The following LAMA2 variants were observed in gnomAD, a reference collection of about 807,000 sequenced individuals.
LAMA2 encodes the protein laminin subunit alpha 2, also known as laminin subunit alpha-2.
A neutral mutation model predicts 364.8 loss-of-function variants in LAMA2; 269 were observed. The ratio of observed to expected loss-of-function variants is 0.74; its 90% CI spans 0.67 to 0.82. LAMA2 has a LOEUF of 0.82. Among genes scored for constraint, LAMA2 ranks in the 40% least tolerant of loss-of-function variants. LAMA2 has a pLI of 0.00. For missense variants in LAMA2, 3,807 were observed against 3,873.2 expected, an observed-to-expected ratio of 0.98 and a Z score of 0.45; for synonymous variants, 1,379 against 1,370.6, an observed-to-expected ratio of 1.01 and a Z score of -0.14.
At chr6:129,446,505 AAGGGGAGGAGAGGGGAGGGGAGGGG>A (rs1583770703) in intron 45 of LAMA2, among the ~76,000 whole-genome samples, 5 of 88,598 alleles carry the variant, frequency 5.6e-5, no homozygotes, top group East Asian at 8.6e-4. Flanking sequence ...GAAGTAAGGG[AAGGGGAGGAGAGGGGAGGGGAGGGG>A]AGGGGAGGCG....
intron 2 of LAMA2, among the ~76,000 whole-genome samples, chr6:129,052,032 AAGG>A (rs1788087338): frequency 6.6e-6 from 1 of 151,288 alleles, no homozygotes; most frequent in African/African-American, 2.4e-5. Flanking sequence ...GAGAGAGAGA[AAGG>A]AGGTAATAAC....
At chr6:129,232,732 T>C (rs1402684761) in intron 12 of LAMA2, among the ~76,000 whole-genome samples, 1 of 152,102 alleles carries the variant, frequency 6.6e-6, no homozygotes. Context: ...AAAGGGACTT[T>C]GCAAATGTGA....
At position 129,313,087 on chromosome 6, in the gene LAMA2, G is replaced by A; in HGVS notation, c.3401G>A (p.Cys1134Tyr). 1 of 1,598,834 alleles carries A rather than the reference G, an allele frequency of 6.3e-7. No homozygotes were observed. The highest frequency in any genetic ancestry group is 8.6e-7 in the Non-Finnish European group (1 of 1,167,246). The change falls in exon 23 of 65, where the codon TGC (cysteine) becomes TAC (tyrosine). Residue 1134 changes from cysteine to tyrosine, a missense_variant. Physicochemically the swap from Cys to Tyr is radical, Grantham distance 194. Coordinates refer to ENST00000421865, the MANE Select transcript of LAMA2 (RefSeq NM_000426.4). Reference sequence around the variant, plus strand: ...TCCTGTAGTGATCAAACTGGGCAGTGCACTTGTAAGGTATGTGCTGCTGAC... The same window carrying A: ...TCCTGTAGTGATCAAACTGGGCAGTACACTTGTAAGGTATGTGCTGCTGAC... ...KCSCSDQTGQCTCKVNVEGIH... is the reference protein window; with the variant it reads ...KCSCSDQTGQYTCKVNVEGIH...
chr6:129,115,257 A>C (rs1776408251), intron 4 of LAMA2, among the ~76,000 whole-genome samples: 1 of 152,112 alleles, frequency 6.6e-6, no homozygotes, highest in African/African-American at 2.4e-5. Flanking sequence ...TCTAAAAAAG[A>C]ACAGAGAAAT....
chr6:129,226,584 C>G (rs1176980067), intron 12 of LAMA2, among the ~76,000 whole-genome samples: 2 of 151,900 alleles, frequency 1.3e-5, no homozygotes, highest in Non-Finnish European at 2.9e-5. Context: ...TTCTCCTTCA[C>G]TTATGAAGCT....
chr6:129,007,374 A>G (rs1278544653), intron 1 of LAMA2, among the ~76,000 whole-genome samples: 3 of 152,160 alleles, frequency 2.0e-5, no homozygotes, highest in Non-Finnish European at 2.9e-5. Context: ...AGCACCACAT[A>G]GTGTGTGCCA....
intron 63 of LAMA2, 41 bp from the exon 64 acceptor site, chr6:129,514,332 T>C (rs1786851378): frequency 7.2e-7 from 1 of 1,386,556 alleles, no homozygotes; most frequent in Non-Finnish European, 1.0e-6. Flanking sequence ...GATACTTCTT[T>C]AATGAAACCA....
intron 1 of LAMA2, among the ~76,000 whole-genome samples, chr6:128,899,834 A>T (rs1196438601): frequency 6.6e-6 from 1 of 151,980 alleles, no homozygotes; most frequent in Non-Finnish European, 1.5e-5. Flanking sequence ...TAAGCTTTGG[A>T]TAAGGAATGC....
intron 47 of LAMA2, 98 bp downstream of exon 47, chr6:129,454,386 A>G: frequency 1.1e-6 from 1 of 936,838 alleles, no homozygotes; most frequent in Non-Finnish European, 1.7e-6. Context: ...CAATAAGGTA[A>G]CTGTGTATGC....
intron 4 of LAMA2, among the ~76,000 whole-genome samples, chr6:129,134,162 A>C (rs2114941420): frequency 6.6e-6 from 1 of 152,312 alleles, no homozygotes; most frequent in South Asian, 2.1e-4. Context: ...CCGTCTCACC[A>C]ATGTAGGTCA....
chr6:129,081,550 C>T (rs1774058416), intron 3 of LAMA2, among the ~76,000 whole-genome samples: 1 of 152,078 alleles, frequency 6.6e-6, no homozygotes, highest in African/African-American at 2.4e-5. Flanking sequence ...GGTCCTTGAT[C>T]GTAATTCTTT....
In LAMA2 at chr6:129,464,367, G is replaced by T. The variant is rs761714859; in HGVS notation, c.7070G>T (p.Trp2357Leu). 1 of 1,611,742 alleles carries T rather than the reference G, an allele frequency of 6.2e-7. No homozygotes were observed. The highest frequency in any genetic ancestry group is 8.5e-7 in the Non-Finnish European group (1 of 1,178,258). ...GYALVSRPIRWYPNISTVMFK... is the reference protein window; with the variant it reads ...GYALVSRPIRLYPNISTVMFK... Reference sequence around the variant, plus strand: ...GCATTGGTCAGCCGTCCCATTCGCTGGTACCCCAACATCTCCACTGTCATG... The same window carrying T: ...GCATTGGTCAGCCGTCCCATTCGCTTGTACCCCAACATCTCCACTGTCATG... Residue 2357 changes from tryptophan to leucine, a missense_variant, in exon 50 of 65, where the codon TGG becomes TTG. Transcript: ENST00000421865.
At chr6:129,471,664 G>A (rs1355080887) in intron 51 of LAMA2, among the ~76,000 whole-genome samples, 1 of 151,786 alleles carries the variant, frequency 6.6e-6, no homozygotes, top group East Asian at 1.9e-4. Flanking sequence ...TTTTCTTTTA[G>A]CCCCCAGTCC....
intron 1 of LAMA2, among the ~76,000 whole-genome samples, chr6:128,979,606 A>C (rs979888496): frequency 1.3e-5 from 2 of 152,370 alleles, no homozygotes; most frequent in Admixed American, 1.3e-4. Context: ...GAACTTGTTC[A>C]AAGTGTTCGC....
At chr6:129,401,686 T>G (rs1779982124) in intron 38 of LAMA2, among the ~76,000 whole-genome samples, 1 of 152,226 alleles carries the variant, frequency 6.6e-6, no homozygotes, top group Non-Finnish European at 1.5e-5. Context: ...AAACAGGCTT[T>G]TAACATGTAA....
intron 4 of LAMA2, among the ~76,000 whole-genome samples, chr6:129,137,689 TTTGA>T (rs1777883676): frequency 6.6e-6 from 1 of 152,106 alleles, no homozygotes; most frequent in African/African-American, 2.4e-5. Flanking sequence ...ATTGTAAATG[TTTGA>T]TTGAGGAAAG....
At chr6:129,142,038 T>C (rs11756052) in intron 4 of LAMA2, among the ~76,000 whole-genome samples, 35,225 of 152,008 alleles carry the variant, frequency 0.23, 4,436 homozygotes, top group African/African-American at 0.34. Context: ...ATCTGTATGT[T>C]GAGAGATTCC....
intron 22 of LAMA2, among the ~76,000 whole-genome samples, chr6:129,310,407 C>T (rs1371101296): frequency 6.6e-6 from 1 of 152,080 alleles, no homozygotes; most frequent in Non-Finnish European, 1.5e-5. Flanking sequence ...GAGATGCAGC[C>T]AGACTTGGAT....
chr6:129,447,516 C>A (rs568535874), intron 45 of LAMA2, among the ~76,000 whole-genome samples: 1 of 152,276 alleles, frequency 6.6e-6, no homozygotes, highest in Non-Finnish European at 1.5e-5. Flanking sequence ...AAACACATAA[C>A]CAGAAAGATC....
Sources: allele counts gnomAD v4.1 joint callset (sites outside exome capture counted in the v4.1 genomes callset), GRCh38; gene constraint gnomAD v4.1.1; transcripts MANE v1.5; gene names NCBI Gene and HGNC (gene_info 2026-07-23, HGNC 2026-07-21).